HEXA: variants seen among roughly 807,000 people sequenced by gnomAD.
HEXA encodes the protein hexosaminidase subunit alpha.
Under a neutral mutation model 73.3 loss-of-function variants are expected in HEXA, and 54 were observed. The observed-to-expected ratio is 0.74, with a 90% CI of 0.59 to 0.92. HEXA has a LOEUF of 0.92. Ranked by LOEUF, HEXA falls within the 40% of genes least tolerant of loss-of-function variation. The pLI, the probability that HEXA is intolerant of heterozygous loss-of-function variation, is 0.00. For synonymous variants in HEXA, 230 were observed against 246.9 expected (o/e 0.93, Z 0.64); for missense variants, 649 against 653.0 (o/e 0.99, Z 0.07).
intron 1 of HEXA, among the ~76,000 whole-genome samples, chr15:72,361,745 G>A (rs1456144178): frequency 6.6e-6 from 1 of 152,154 alleles, no homozygotes; most frequent in Non-Finnish European, 1.5e-5. Flanking sequence ...ATTGTGTTAA[G>A]CACTGAGATT....
chr15:72,367,262 T>C (rs577420100), intron 1 of HEXA, among the ~76,000 whole-genome samples: 1 of 152,298 alleles, frequency 6.6e-6, no homozygotes, highest in East Asian at 1.9e-4. Flanking sequence ...TTTTTACTCC[T>C]TCCCTTCCTC....
In HEXA at chr15:72,346,684, C is replaced by T. The variant is rs575836910; in HGVS notation, c.1173G>A (p.Val391=). Residue 391 remains valine, a synonymous_variant, in exon 11 of 14, where the codon GTG becomes GTA. Transcript: ENST00000268097. ...AGTTCACTGGAATATCCTCTCGCCA[C>T]ACCTGTATGATTGTGTCTGGCTGAA... is the stretch of plus-strand genomic sequence containing the variant. ...VKIQPDTIIQ[V]WREDIPVNYM... is the part of the protein sequence containing the mutation. The T allele has an allele frequency of 6.8e-6, 11 of 1,614,030 alleles. No homozygotes were observed. The Admixed American group carries it at 8.3e-5, about 12-fold the overall frequency.
chr15:72,373,166 T>C (rs2089015554), intron 1 of HEXA, among the ~76,000 whole-genome samples: 1 of 152,104 alleles, frequency 6.6e-6, no homozygotes, highest in Non-Finnish European at 1.5e-5. Flanking sequence ...CAAAACCTAC[T>C]GGCCCAGAGC....
intron 5 of HEXA, among the ~76,000 whole-genome samples, chr15:72,352,792 T>A (rs2088717792): frequency 6.6e-6 from 1 of 152,082 alleles, no homozygotes; most frequent in Non-Finnish European, 1.5e-5. Context: ...GCCTCCCAGG[T>A]AGCTGGGATT....
intron 1 of HEXA, 36 bp downstream of exon 1, chr15:72,375,684 A>G (rs1313924129): frequency 6.2e-7 from 1 of 1,612,622 alleles, no homozygotes; most frequent in South Asian, 1.1e-5. Context: ...AGGCACTCTC[A>G]GGGCCCAGGA....
In HEXA at chr15:72,349,118, T is replaced by C. The variant is rs1222599742; in HGVS notation, c.947A>G (p.Tyr316Cys). The change falls in exon 8 of 14, where the codon TAT becomes TGT. Residue 316 changes from tyrosine (Y) to cysteine (C), a missense_variant. Transcript: ENST00000268097. Reference protein sequence around the residue: ...LEVSSVFPDFYLHLGGDEVDF... With the variant: ...LEVSSVFPDFCLHLGGDEVDF... ...AACCTCATCTCCTCCAAGATGAAGATAAAAATCTGGGAAGACAGAGCTGAC... is the reference window on the plus strand; with the variant it reads ...AACCTCATCTCCTCCAAGATGAAGACAAAAATCTGGGAAGACAGAGCTGAC... 1.3e-5 allele frequency: 21 copies of C among 1,613,928 alleles called. No homozygotes were observed. The highest frequency in any genetic ancestry group is 2.7e-5 in the African/African-American group (2 of 74,888).
At chr15:72,366,743 ATCCTCC>A (rs746535444) in intron 1 of HEXA, among the ~76,000 whole-genome samples, 8 of 151,544 alleles carry the variant, frequency 5.3e-5, no homozygotes. Context: ...ATCCAACAAC[ATCCTCC>A]TCCTCCTCCT....
At chr15:72,363,491 A>T (rs2088878415) in intron 1 of HEXA, among the ~76,000 whole-genome samples, 1 of 152,222 alleles carries the variant, frequency 6.6e-6, no homozygotes, top group South Asian at 2.1e-4. Context: ...TGTAGCTAGG[A>T]GAGAAGTCAA....
chr15:72,375,105 C>A (rs550117658), intron 1 of HEXA, among the ~76,000 whole-genome samples: 3 of 141,154 alleles, frequency 2.1e-5, no homozygotes, highest in African/African-American at 8.0e-5. Context: ...GGTTGTTTTT[C>A]TGAGAGGGAG....
At chr15:72,361,222 G>T (rs992602470) in intron 1 of HEXA, among the ~76,000 whole-genome samples, 3 of 152,112 alleles carry the variant, frequency 2.0e-5, no homozygotes, top group Non-Finnish European at 4.4e-5. Context: ...ACTCCTTCTG[G>T]GACCTCTTGA....
At chr15:72,370,834 AC>A in intron 1 of HEXA, 1 of 391,190 alleles carries the variant, frequency 2.6e-6, no homozygotes, top group Non-Finnish European at 4.5e-6. Flanking sequence ...TCAACTAAAA[AC>A]TGTGCTTCTG....
chr15:72,345,485 G>C lies in HEXA; in HGVS notation c.1487C>G (p.Ala496Gly), dbSNP rs373781108. The stretch of plus-strand genomic sequence containing the variant: ...GCGGAAGTGTGACAAACGTTCATAG[G>C]CAAATGTCAGGTCAGATGTCAACTT... Reference protein sequence around the residue: ...SNKLTSDLTFAYERLSHFRCE... With the variant: ...SNKLTSDLTFGYERLSHFRCE... The change falls in exon 13 of 14, where the codon GCC becomes GGC. Residue 496 changes from alanine to glycine, a missense_variant. By Grantham distance (60) the Ala-to-Gly change is moderately conservative. Transcript: ENST00000268097. The C allele has an allele frequency of 2.2e-5, 35 of 1,614,122 alleles. No individual in the cohort carries two copies. Among genetic ancestry groups the C allele is most frequent in the Non-Finnish European group, 1.5e-5 (18 of 1,180,034 alleles).
rs200177553 is a variant in HEXA at position 72,353,195 on chromosome 15, T to A, written c.460-17A>T. On this transcript the variant is annotated splice_polypyrimidine_tract_variant and intron_variant, in intron 4 of 13. Coordinates refer to ENST00000268097, the MANE Select transcript of HEXA (RefSeq NM_000520.6). ...GATAAAGAACTGTGCAGAACAAACATTGAACATGTCAGTTTCAAAGGAAGC... is the reference window on the plus strand; with the variant it reads ...GATAAAGAACTGTGCAGAACAAACAATGAACATGTCAGTTTCAAAGGAAGC... 1.4e-6 allele frequency: 2 copies of A among 1,446,586 alleles called. No individual in the cohort carries two copies. The highest frequency in any genetic ancestry group is 1.9e-6 in the Non-Finnish European group (2 of 1,029,356). 89.6% of individuals were successfully genotyped at this position (1,446,586 alleles called of 1,614,324 possible).
chr15:72,369,012 T>G (rs991511375), intron 1 of HEXA, among the ~76,000 whole-genome samples: 1 of 152,186 alleles, frequency 6.6e-6, no homozygotes, highest in Admixed American at 6.5e-5. Context: ...CGTCCTGTAT[T>G]TTTGAGTATA....
intron 7 of HEXA, chr15:72,350,217 C>G (rs1470988906): frequency 2.4e-6 from 1 of 420,664 alleles, no homozygotes; most frequent in Non-Finnish European, 4.5e-6. Context: ...GGGCTTCTTT[C>G]TTTCAGATTC....
intron 1 of HEXA, among the ~76,000 whole-genome samples, chr15:72,375,489 C>A (rs1014318551): frequency 6.6e-6 from 1 of 152,216 alleles, no homozygotes; most frequent in African/African-American, 2.4e-5. Flanking sequence ...AGAAGGATCA[C>A]CTTAGATTTC....
intron 1 of HEXA, among the ~76,000 whole-genome samples, chr15:72,361,623 C>T (rs71397236): frequency 0.016 from 2,439 of 152,270 alleles, 45 homozygotes; most frequent in East Asian, 0.08. Flanking sequence ...ATAACAGCCC[C>T]ATCTATTCAC....
At chr15:72,362,854 C>T (rs1262803733) in intron 1 of HEXA, among the ~76,000 whole-genome samples, 1 of 152,078 alleles carries the variant, frequency 6.6e-6, no homozygotes, top group African/African-American at 2.4e-5. Flanking sequence ...ACACTTCCAT[C>T]GTATCAATGT....
At chr15:72,355,229 T>A (rs1461759858) in intron 3 of HEXA, 2 of 358,888 alleles carry the variant, frequency 5.6e-6, no homozygotes, top group African/African-American at 4.2e-5. Context: ...ATTGTTCCCA[T>A]AAAAAAAGCT....
Sources: allele counts gnomAD v4.1 joint callset (sites outside exome capture counted in the v4.1 genomes callset), GRCh38; gene constraint gnomAD v4.1.1; transcripts MANE v1.5; gene names NCBI Gene and HGNC (gene_info 2026-07-23, HGNC 2026-07-21).